Variants in WDFY4 observed in about 807,000 individuals in gnomAD.
WDFY4 encodes WD repeat- and FYVE domain-containing protein 4.
Under a neutral mutation model 351.9 loss-of-function variants are expected in WDFY4, and 169 were observed. The observed-to-expected ratio is 0.48, with a 90% CI of 0.42 to 0.55. The LOEUF is 0.55. Ranked by LOEUF, WDFY4 falls within the 20% of genes least tolerant of loss-of-function variation. The pLI is 0.00. For synonymous variants in WDFY4, 1,622 were observed against 1,574.6 expected, an observed-to-expected ratio of 1.03 and a Z score of -0.71; for missense variants, 3,803 against 3,935.6, an observed-to-expected ratio of 0.97 and a Z score of 0.90.
Position 48,830,917 on chromosome 10 carries a change from A to T in WDFY4, c.6526+32A>T, listed in dbSNP as rs1369834139. 4 of 1,535,896 alleles carry T rather than the reference A, an allele frequency of 2.6e-6. No individual in the cohort carries two copies. The East Asian group carries it at 7.4e-5, about 28-fold the overall frequency. On this transcript the variant is annotated intron_variant, in intron 38 of 61. Coordinates refer to ENST00000325239, the MANE Select transcript of WDFY4 (RefSeq NM_001394531.1). ...ATCCACTCGGCTCCAGGGAATGGGA[A>T]CTCCTGGGTCTCACAGAGCCAGACT...
In WDFY4 at chr10:48,820,289, G is replaced by T; in HGVS notation, c.5561G>T (p.Gly1854Val). The change falls in exon 33 of 62, where the codon GGC becomes GTC. Residue 1854 changes from glycine to valine, a missense_variant. Gly to Val is a moderately radical substitution (Grantham distance 109). Transcript: ENST00000325239. ...NTSSPEAAAE[G>V]DSTVEGLQAP... ...AGCAGTCCTGAGGCCGCAGCTGAAG[G>T]CGACAGCACAGTGGAGGGTCTCCAG... is the stretch of plus-strand genomic sequence containing the variant. The T allele has an allele frequency of 1.9e-6, 3 of 1,551,684 alleles. No homozygotes were observed. Among genetic ancestry groups the T allele is most frequent in the Non-Finnish European group, 2.6e-6 (3 of 1,146,984 alleles).
chr10:48,726,032 C>T lies in WDFY4; in HGVS notation c.743C>T (p.Ser248Phe). ...ACCTTCTGCGTGCTAAGGGCAATCT[C>T]CAAGGCCCAGAACCTCAGCATCATC... ...EPTFCVLRAISKAQNLSIIQY... is the reference protein window; with the variant it reads ...EPTFCVLRAIFKAQNLSIIQY... Residue 248 changes from serine (S) to phenylalanine (F), a missense_variant, in exon 6 of 62, where the codon TCC becomes TTC. Around this residue, in one of 3 missense-constraint regions of WDFY4, gnomAD observed 488 missense variants for 456.8 expected, o/e 1.07. Coordinates refer to ENST00000325239, the MANE Select transcript of WDFY4 (RefSeq NM_001394531.1). 6.4e-7 allele frequency: 1 copy of T among 1,551,394 alleles called. No individual in the cohort carries two copies. The highest frequency in any genetic ancestry group is 8.7e-7 in the Non-Finnish European group (1 of 1,146,802).
At chr10:48,745,059 T>C (rs1377676082) in intron 12 of WDFY4, among the ~76,000 whole-genome samples, 1 of 152,232 alleles carries the variant, frequency 6.6e-6, no homozygotes, top group African/African-American at 2.4e-5. Flanking sequence ...TATTCTGGTG[T>C]TCTTTTTCTT....
chr10:48,731,213 C>T lies in WDFY4; in HGVS notation c.1233C>T (p.Thr411=). 6.4e-7 allele frequency: 1 copy of T among 1,551,816 alleles called. No individual in the cohort carries two copies. Among genetic ancestry groups the T allele is most frequent in the Non-Finnish European group, 8.7e-7 (1 of 1,147,020 alleles). ...LCIQVLSVIR[T]MWAWNARNFF... is the part of the protein sequence containing the mutation. ...TACAAGTCTTGTCAGTCATCAGGAC[C>T]ATGTGGGCCTGGAATGCTCGAAACT... The change falls in exon 9 of 62, where the codon ACC becomes ACT. Residue 411 remains threonine (T), a synonymous_variant. Coordinates refer to ENST00000325239, the MANE Select transcript of WDFY4 (RefSeq NM_001394531.1).
chr10:48,925,644 G>GGT (rs778717279), intron 47 of WDFY4, among the ~76,000 whole-genome samples: 8 of 152,196 alleles, frequency 5.3e-5, no homozygotes, highest in Non-Finnish European at 8.8e-5. Flanking sequence ...ACAGATTAGA[G>GGT]GTGCAGAGAT....
intron 47 of WDFY4, among the ~76,000 whole-genome samples, chr10:48,930,859 A>G (rs911701403): frequency 6.6e-6 from 1 of 152,182 alleles, no homozygotes; most frequent in Non-Finnish European, 1.5e-5. Flanking sequence ...TGAAAGAAAC[A>G]TTTGTCCGTG....
intron 23 of WDFY4, among the ~76,000 whole-genome samples, chr10:48,791,345 G>A (rs2066673084): frequency 6.6e-6 from 1 of 152,230 alleles, no homozygotes; most frequent in South Asian, 2.1e-4. Context: ...GACTGTAATA[G>A]GGTTGCAGTG....
In WDFY4 at chr10:48,738,350, C is replaced by A. The variant is rs372390791; in HGVS notation, c.1878+2280C>A. On this transcript the variant is annotated intron_variant, in intron 11 of 61. Coordinates refer to ENST00000325239, the MANE Select transcript of WDFY4 (RefSeq NM_001394531.1). ...ATGTCTAGAATTAGTAATGTAAAGT[C>A]GTTATGGTGTTTTACAGATTCAATA... 7.7e-4 allele frequency among the ~76,000 whole-genome samples: 117 copies of A among 152,286 alleles called. 2 individuals are homozygous for A. The highest frequency in any genetic ancestry group is 2.7e-3 in the African/African-American group (114 of 41,564).
chr10:48,744,509 G>A (rs921120456), intron 12 of WDFY4, among the ~76,000 whole-genome samples: 1 of 152,160 alleles, frequency 6.6e-6, no homozygotes, highest in African/African-American at 2.4e-5. Flanking sequence ...ATGTACTAAT[G>A]TTTAAAAAGG....
chr10:48,840,264 G>A (rs1326520879), intron 39 of WDFY4, among the ~76,000 whole-genome samples: 1 of 152,154 alleles, frequency 6.6e-6, no homozygotes, highest in Non-Finnish European at 1.5e-5. Flanking sequence ...GAGGGACAGA[G>A]TCTGGTGATG....
At chr10:48,866,263 C>G (rs766914169) in intron 39 of WDFY4, among the ~76,000 whole-genome samples, 1 of 151,810 alleles carries the variant, frequency 6.6e-6, no homozygotes. Context: ...TAGTTATAGC[C>G]TACGTGTTTT....
At chr10:48,960,804 A>G (rs2131792621) in intron 53 of WDFY4, among the ~76,000 whole-genome samples, 1 of 152,354 alleles carries the variant, frequency 6.6e-6, no homozygotes, top group Middle Eastern at 3.4e-3. Context: ...ATTATCCTAC[A>G]TGAAAGAAGC....
chr10:48,958,539 G>A (rs1023530739), intron 52 of WDFY4, among the ~76,000 whole-genome samples: 10 of 152,210 alleles, frequency 6.6e-5, no homozygotes, highest in African/African-American at 2.4e-4. Context: ...GAGGCCAAGA[G>A]AGCAAATGTC....
chr10:48,896,633 C>A lies in WDFY4; in HGVS notation c.7317-821C>A, dbSNP rs12253134. The stretch of plus-strand genomic sequence containing the variant: ...AGGTGCTGTCCTCATGCCTTGCCAG[C>A]GGCCTCTTTGCCTTCCTCTGCTCCA... On this transcript the variant is annotated intron_variant, in intron 44 of 61. Coordinates refer to ENST00000325239, the MANE Select transcript of WDFY4 (RefSeq NM_001394531.1). Among the ~76,000 whole-genome samples the A allele has an allele frequency of 7.2e-3, 1,093 of 152,188 alleles. 10 individuals carry two copies. Among genetic ancestry groups the A allele is most frequent in the African/African-American group, 0.025 (1,036 of 41,504 alleles).
At chr10:48,760,493 A>G (rs2065469555) in intron 13 of WDFY4, 53 bp downstream of exon 13, 1 of 1,525,528 alleles carries the variant, frequency 6.6e-7, no homozygotes, top group Non-Finnish European at 8.9e-7. Flanking sequence ...CTGATCTCTC[A>G]AATGCCTTCT....
chr10:48,936,634 G>A (rs1415984141), intron 47 of WDFY4, among the ~76,000 whole-genome samples: 2 of 151,840 alleles, frequency 1.3e-5, no homozygotes, highest in South Asian at 2.1e-4. Context: ...TCTGGAGATC[G>A]AGACCATCCC....
intron 39 of WDFY4, among the ~76,000 whole-genome samples, chr10:48,861,499 C>T (rs1469983903): frequency 6.6e-6 from 1 of 152,150 alleles, no homozygotes; most frequent in Admixed American, 6.5e-5. Context: ...TTATTTTCAG[C>T]ACTTGAGAAA....
At chr10:48,885,001 C>T (rs1175128630) in intron 43 of WDFY4, among the ~76,000 whole-genome samples, 1 of 152,098 alleles carries the variant, frequency 6.6e-6, no homozygotes. Flanking sequence ...TAATATGTAC[C>T]TGTTAAATAA....
At chr10:48,722,698 GCACACACACACACGTGCGTGCGCA>G (rs1422443520) in intron 4 of WDFY4, among the ~76,000 whole-genome samples, 2 of 152,058 alleles carry the variant, frequency 1.3e-5, no homozygotes, top group East Asian at 1.9e-4. Flanking sequence ...CATGCATCAT[GCACACACACACACGTGCGTGCGCA>G]CACACGCACA....
Sources: allele counts gnomAD v4.1 joint callset (sites outside exome capture counted in the v4.1 genomes callset), GRCh38; gene constraint gnomAD v4.1.1; regional missense constraint gnomAD v4.1.1; transcripts MANE v1.5; gene names NCBI Gene and HGNC (gene_info 2026-07-23, HGNC 2026-07-21).